Variants in MYO3B observed in about 807,000 individuals in gnomAD.
MYO3B encodes the protein myosin-IIIb.
MYO3B carries 156 observed loss-of-function variants against 174.6 expected under a neutral mutation model. The observed-to-expected ratio is 0.89, with a 90% confidence interval of 0.78 to 1.02. The LOEUF is 1.02. MYO3B is among the 50% of genes least tolerant of loss of function. The probability of loss-of-function intolerance (pLI) is 0.00; values close to 1 mark genes in which losing one functional copy is unlikely to be tolerated. For missense variants in MYO3B, 1,632 were observed against 1,639.4 expected, an observed-to-expected ratio of 1.00 and a Z score of 0.08; for synonymous variants, 563 against 569.1, an observed-to-expected ratio of 0.99 and a Z score of 0.15.
In MYO3B at chr2:170,569,459, G is replaced by A. The variant is rs182615381; in HGVS notation, c.3733+25471G>A. 2.0e-5 allele frequency among the ~76,000 whole-genome samples: 3 copies of A among 151,748 alleles called. No individual in the cohort carries two copies. In the East Asian group the frequency reaches 5.8e-4, roughly 29 times the overall value. On this transcript the variant is annotated intron_variant, in intron 32 of 34. Coordinates refer to ENST00000408978, the MANE Select transcript of MYO3B (RefSeq NM_138995.5). ...TGTATGCTAATTCATAAGCAGAAGA[G>A]CCATTTCCTTCCTGGAATCTTGTGA...
At chr2:170,391,828 A>C (rs888475873) in intron 15 of MYO3B, among the ~76,000 whole-genome samples, 1 of 152,070 alleles carries the variant, frequency 6.6e-6, no homozygotes, top group Non-Finnish European at 1.5e-5. Flanking sequence ...TTTTTCAGCC[A>C]TTTGCATCAT....
At chr2:170,386,353 G>T in intron 13 of MYO3B, 81 bp downstream of exon 13, 1 of 1,205,450 alleles carries the variant, frequency 8.3e-7, no homozygotes, top group Non-Finnish European at 1.2e-6. Context: ...TGGAAGTGCT[G>T]GGTTTTTTTT....
At chr2:170,310,646 CA>C (rs2093732362) in intron 7 of MYO3B, among the ~76,000 whole-genome samples, 1 of 102,684 alleles carries the variant, frequency 9.7e-6, no homozygotes, top group Non-Finnish European at 1.8e-5. Context: ...GCCTGGGCGA[CA>C]AGAGCAAGAC....
intron 16 of MYO3B, among the ~76,000 whole-genome samples, chr2:170,397,780 A>G (rs1558959713): frequency 6.6e-6 from 1 of 152,208 alleles, no homozygotes; most frequent in Admixed American, 6.5e-5. Flanking sequence ...CTCTGACTCC[A>G]GATACCTATA....
intron 32 of MYO3B, chr2:170,644,574 A>T (rs1201358415): frequency 2.6e-5 from 4 of 152,406 alleles, no homozygotes; most frequent in African/African-American, 9.6e-5. Context: ...GGCGTGAGCC[A>T]CTGCTCCGAG....
At chr2:170,636,878 T>C (rs1575313268) in intron 32 of MYO3B, among the ~76,000 whole-genome samples, 1 of 152,054 alleles carries the variant, frequency 6.6e-6, no homozygotes, top group Admixed American at 6.6e-5. Flanking sequence ...ATATGTTCAT[T>C]TGGAAACTTA....
chr2:170,637,629 G>A (rs144662142), intron 32 of MYO3B, among the ~76,000 whole-genome samples: 93 of 148,876 alleles, frequency 6.2e-4, no homozygotes, highest in African/African-American at 2.0e-3. Flanking sequence ...TTTCCGTAAC[G>A]GATTTTTACT....
chr2:170,254,153 C>G (rs570878032), intron 7 of MYO3B, among the ~76,000 whole-genome samples: 9 of 152,154 alleles, frequency 5.9e-5, no homozygotes, highest in Non-Finnish European at 1.3e-4. Context: ...TGAAGGAACT[C>G]TGTGGCACTA....
intron 6 of MYO3B, among the ~76,000 whole-genome samples, chr2:170,233,551 T>C (rs1031386050): frequency 3.3e-5 from 5 of 152,192 alleles, no homozygotes; most frequent in African/African-American, 1.2e-4. Flanking sequence ...GGCAATGAAA[T>C]GGCCTTTGGT....
At chr2:170,390,310 C>T (rs1311869333) in intron 14 of MYO3B, among the ~76,000 whole-genome samples, 2 of 152,086 alleles carry the variant, frequency 1.3e-5, no homozygotes, top group Non-Finnish European at 2.9e-5. Context: ...TGCCTATAGT[C>T]ATGGCTACTT....
intron 30 of MYO3B, among the ~76,000 whole-genome samples, chr2:170,529,366 A>T (rs2106166705): frequency 6.6e-6 from 1 of 152,062 alleles, no homozygotes; most frequent in Admixed American, 6.6e-5. Flanking sequence ...AAAAGTTAAA[A>T]AAAAAAAAAA....
At chr2:170,317,756 G>A (rs1306111819) in intron 7 of MYO3B, among the ~76,000 whole-genome samples, 1 of 152,112 alleles carries the variant, frequency 6.6e-6, no homozygotes, top group Admixed American at 6.5e-5. Context: ...AAATTCTGTG[G>A]GAATTTATTC....
At chr2:170,380,781 A>T (rs901938250) in intron 9 of MYO3B, among the ~76,000 whole-genome samples, 3 of 152,200 alleles carry the variant, frequency 2.0e-5, no homozygotes, top group African/African-American at 7.2e-5. Context: ...CATTATTACT[A>T]GTAGCAAAAA....
chr2:170,211,557 A>G (rs2092770953), intron 3 of MYO3B, among the ~76,000 whole-genome samples: 2 of 152,310 alleles, frequency 1.3e-5, no homozygotes, highest in South Asian at 4.1e-4. Flanking sequence ...CAAAATTTAG[A>G]ACCTTTAGAG....
intron 7 of MYO3B, among the ~76,000 whole-genome samples, chr2:170,318,618 ATAAG>A (rs1334496834): frequency 6.6e-6 from 1 of 152,230 alleles, no homozygotes; most frequent in African/African-American, 2.4e-5. Context: ...TTGGGGTCAA[ATAAG>A]TAAGAGTCAT....
rs2094353480 is a variant in MYO3B at position 170,383,805 on chromosome 2, C to A, written c.1281C>A (p.Ser427Arg). The A allele has an allele frequency of 6.2e-7, 1 of 1,612,642 alleles. No homozygotes were observed. The highest frequency in any genetic ancestry group is 8.5e-7 in the Non-Finnish European group (1 of 1,178,810). ...CTTACCAGTGCATGGTTACTCTCAGCAAAGACCAGGTAAGAACTCACCTTC... is the reference window on the plus strand; with the variant it reads ...CTTACCAGTGCATGGTTACTCTCAGAAAAGACCAGGTAAGAACTCACCTTC... ...DAAYQCMVTL[S>R]KDQCIVISGE... The change falls in exon 12 of 35, where the codon AGC becomes AGA. Residue 427 changes from serine (S) to arginine (R), a missense_variant. Coordinates refer to ENST00000408978, the MANE Select transcript of MYO3B (RefSeq NM_138995.5).
intron 32 of MYO3B, among the ~76,000 whole-genome samples, chr2:170,626,941 T>G (rs1051686517): frequency 1.3e-5 from 2 of 152,196 alleles, no homozygotes; most frequent in Non-Finnish European, 2.9e-5. Flanking sequence ...GGGCTTCCCT[T>G]TGTGGGTAAC....
chr2:170,275,318 T>C (rs1559352554), intron 7 of MYO3B, among the ~76,000 whole-genome samples: 1 of 152,204 alleles, frequency 6.6e-6, no homozygotes, highest in Non-Finnish European at 1.5e-5. Context: ...TTAAGAAAAG[T>C]GAACATGTTT....
chr2:170,261,125 G>A (rs544614015), intron 7 of MYO3B, among the ~76,000 whole-genome samples: 125 of 152,258 alleles, frequency 8.2e-4, no homozygotes, highest in African/African-American at 2.9e-3. Context: ...CCGGGTTCAA[G>A]CAATTCTCCT....
Sources: allele counts gnomAD v4.1 joint callset (sites outside exome capture counted in the v4.1 genomes callset), GRCh38; gene constraint gnomAD v4.1.1; transcripts MANE v1.5; gene names NCBI Gene and HGNC (gene_info 2026-07-23, HGNC 2026-07-21).